The following GAB2 variants were observed in gnomAD, a reference collection of about 807,000 sequenced individuals.
GAB2 encodes the protein GRB2-associated-binding protein 2.
Under a neutral mutation model 65.5 loss-of-function variants are expected in GAB2, and 26 were observed. The ratio of observed to expected loss-of-function variants is 0.40; its 90% CI spans 0.29 to 0.55. GAB2 has a LOEUF of 0.55. Ranked by LOEUF, GAB2 falls within the 20% of genes least tolerant of loss-of-function variation. The pLI, the probability that GAB2 is intolerant of heterozygous loss-of-function variation, is 0.53. For missense variants in GAB2, 884 were observed against 875.8 expected (o/e 1.01, Z -0.12); for synonymous variants, 321 against 329.6 (o/e 0.97, Z 0.28).
At chr11:78,270,554 A>C (rs1394222433) in intron 2 of GAB2, among the ~76,000 whole-genome samples, 1 of 152,170 alleles carries the variant, frequency 6.6e-6, no homozygotes. Flanking sequence ...ATCATCACTT[A>C]GTGCCTTTAA....
At chr11:78,396,862 G>A (rs1421710979) in intron 1 of GAB2, among the ~76,000 whole-genome samples, 1 of 152,186 alleles carries the variant, frequency 6.6e-6, no homozygotes, top group African/African-American at 2.4e-5. Context: ...CTCCCAAAGT[G>A]CTGAGATCAC....
At chr11:78,339,793 C>G (rs374045422) in intron 1 of GAB2, among the ~76,000 whole-genome samples, 1 of 152,148 alleles carries the variant, frequency 6.6e-6, no homozygotes, top group Non-Finnish European at 1.5e-5. Flanking sequence ...TCATAGATCA[C>G]GGAAAACTGA....
At chr11:78,247,059 C>A (rs996764607) in intron 3 of GAB2, among the ~76,000 whole-genome samples, 1 of 152,188 alleles carries the variant, frequency 6.6e-6, no homozygotes, top group Non-Finnish European at 1.5e-5. Flanking sequence ...GGCTCCTCTT[C>A]TGGTTCCCCT....
intron 1 of GAB2, among the ~76,000 whole-genome samples, chr11:78,323,790 C>CTTTTTTTTTT (rs749282969): frequency 1.0e-4 from 8 of 77,256 alleles, no homozygotes; most frequent in African/African-American, 2.0e-4. Context: ...CTGAATCTTT[C>CTTTTTTTTTT]TTTTTTTTTT....
At chr11:78,272,912 A>C (rs1023767506) in intron 2 of GAB2, among the ~76,000 whole-genome samples, 2 of 152,216 alleles carry the variant, frequency 1.3e-5, no homozygotes, top group Non-Finnish European at 2.9e-5. Context: ...CCGTGACTAA[A>C]AGGGGCCAAG....
chr11:78,366,005 T>A (rs1393678432), intron 1 of GAB2, among the ~76,000 whole-genome samples: 2 of 152,236 alleles, frequency 1.3e-5, no homozygotes, highest in Non-Finnish European at 2.9e-5. Flanking sequence ...GGCTTTGATT[T>A]TTCTCATTTG....
intron 1 of GAB2, among the ~76,000 whole-genome samples, chr11:78,385,826 C>T (rs749621404): frequency 2.6e-4 from 40 of 152,154 alleles, no homozygotes; most frequent in Non-Finnish European, 4.3e-4. Flanking sequence ...CTGTCATCAA[C>T]AGAACATTTG....
chr11:78,240,511 T>G (rs1035575760), intron 3 of GAB2, among the ~76,000 whole-genome samples: 15 of 151,680 alleles, frequency 9.9e-5, no homozygotes, highest in African/African-American at 3.4e-4. Context: ...GAGATACGCC[T>G]CTCCCTGGGG....
chr11:78,256,489 C>T (rs1385314572), intron 2 of GAB2, among the ~76,000 whole-genome samples: 3 of 152,158 alleles, frequency 2.0e-5, no homozygotes, highest in Non-Finnish European at 4.4e-5. Flanking sequence ...TGGTGGCAGG[C>T]ATGGGGGAGT....
chr11:78,370,599 G>A (rs945140741), intron 1 of GAB2, among the ~76,000 whole-genome samples: 1 of 152,138 alleles, frequency 6.6e-6, no homozygotes, highest in African/African-American at 2.4e-5. Flanking sequence ...AGGAAACCAA[G>A]GCTATATGCA....
chr11:78,342,476 TCGGCTCACTACAAGCTC>T (rs1307127666), intron 1 of GAB2, among the ~76,000 whole-genome samples: 1 of 144,992 alleles, frequency 6.9e-6, no homozygotes, highest in Non-Finnish European at 1.5e-5. Context: ...GTGGCACATC[TCGGCTCACTACAAGCTC>T]CGCCTCCCGG....
intron 3 of GAB2, among the ~76,000 whole-genome samples, chr11:78,233,223 T>C (rs541900690): frequency 4.6e-5 from 7 of 152,172 alleles, no homozygotes; most frequent in African/African-American, 1.7e-4. Flanking sequence ...TTGGTAGAGA[T>C]GGGGTGTCGC....
intron 1 of GAB2, among the ~76,000 whole-genome samples, chr11:78,313,495 A>G (rs1018756844): frequency 6.6e-6 from 1 of 152,208 alleles, no homozygotes; most frequent in South Asian, 2.1e-4. Flanking sequence ...AACAGGACAT[A>G]GAACTCTGGT....
At chr11:78,247,044 A>C (rs1439720584) in intron 3 of GAB2, among the ~76,000 whole-genome samples, 1 of 152,070 alleles carries the variant, frequency 6.6e-6, no homozygotes, top group Non-Finnish European at 1.5e-5. Context: ...TTCCAGCCCC[A>C]ATGGGGCTCC....
At chr11:78,233,366 A>G (rs1250303415) in intron 3 of GAB2, among the ~76,000 whole-genome samples, 1 of 152,182 alleles carries the variant, frequency 6.6e-6, no homozygotes, top group African/African-American at 2.4e-5. Flanking sequence ...CCCTTCCAGC[A>G]GAGGTAAAGC....
chr11:78,230,290 G>T (rs565595584), intron 3 of GAB2, among the ~76,000 whole-genome samples: 1 of 152,148 alleles, frequency 6.6e-6, no homozygotes, highest in African/African-American at 2.4e-5. Flanking sequence ...GCATCCTCCT[G>T]TCTCGCTCAC....
intron 1 of GAB2, among the ~76,000 whole-genome samples, chr11:78,352,762 T>C (rs1312909806): frequency 6.6e-6 from 1 of 152,156 alleles, no homozygotes; most frequent in African/African-American, 2.4e-5. Context: ...AGTGCCTGAT[T>C]TTCCTGGTGA....
chr11:78,382,368 CT>C (rs914604195), intron 1 of GAB2, among the ~76,000 whole-genome samples: 70 of 151,262 alleles, frequency 4.6e-4, no homozygotes, highest in East Asian at 4.5e-3. Flanking sequence ...GAGCAATATT[CT>C]TTTTTTTATT....
At chr11:78,400,702 A>G (rs149357984) in intron 1 of GAB2, among the ~76,000 whole-genome samples, 261 of 152,230 alleles carry the variant, frequency 1.7e-3, no homozygotes, top group African/African-American at 6.1e-3. Context: ...CAGGAGTTCG[A>G]GACCAGCCTG....
Sources: gnomAD v4.1 joint callset for allele counts (sites outside exome capture counted in the v4.1 genomes callset) on GRCh38, gnomAD v4.1.1 for gene constraint, MANE v1.5 for transcripts, NCBI Gene and HGNC (gene_info 2026-07-23, HGNC 2026-07-21) for gene names.